Variants in PCDH15 observed in about 807,000 individuals in gnomAD.
PCDH15 encodes protocadherin related 15.
A neutral mutation model predicts 178.5 loss-of-function variants in PCDH15; 129 were observed. The ratio of observed to expected loss-of-function variants is 0.72; its 90% confidence interval spans 0.63 to 0.84. The LOEUF is 0.84. Ranked by LOEUF, PCDH15 falls within the 40% of genes least tolerant of loss-of-function variation. PCDH15 has a pLI of 0.00. For synonymous variants in PCDH15, 800 were observed against 732.0 expected, an observed-to-expected ratio of 1.09 and a Z score of -1.50; for missense variants, 2,230 against 2,099.9, an observed-to-expected ratio of 1.06 and a Z score of -1.21.
chr10:55,571,048 G>A (rs924138697), intron 2 of PCDH15, among the ~76,000 whole-genome samples: 3 of 152,012 alleles, frequency 2.0e-5, no homozygotes, highest in African/African-American at 7.2e-5. Context: ...CCCCAGGTCC[G>A]TTGAAGGTGG....
At chr10:55,163,403 C>T (rs1564852380) in intron 2 of PCDH15, among the ~76,000 whole-genome samples, 2 of 152,150 alleles carry the variant, frequency 1.3e-5, no homozygotes, top group African/African-American at 2.4e-5. Flanking sequence ...TAAAGACCCA[C>T]AGCCTCAGAT....
chr10:54,132,825 T>C (rs772033026), intron 15 of PCDH15, 50 bp downstream of exon 15: 1 of 1,563,382 alleles, frequency 6.4e-7, no homozygotes, highest in Non-Finnish European at 8.7e-7. Flanking sequence ...GCCAAGCTTG[T>C]CACTTTAGAA....
intron 27 of PCDH15, among the ~76,000 whole-genome samples, chr10:53,863,037 T>C (rs1013982377): frequency 1.3e-5 from 2 of 152,152 alleles, no homozygotes; most frequent in African/African-American, 2.4e-5. Flanking sequence ...AGAAATGTGA[T>C]GAAGAAGAGA....
At chr10:55,493,807 C>G (rs1311302351) in intron 2 of PCDH15, among the ~76,000 whole-genome samples, 1 of 151,776 alleles carries the variant, frequency 6.6e-6, no homozygotes, top group Non-Finnish European at 1.5e-5. Flanking sequence ...TCTGAGCAGT[C>G]ACTCAAATCC....
At chr10:55,582,302 T>C (rs893335464) in intron 2 of PCDH15, among the ~76,000 whole-genome samples, 3 of 152,124 alleles carry the variant, frequency 2.0e-5, no homozygotes, top group Admixed American at 6.6e-5. Context: ...ATCCTAAAAG[T>C]GCTGAGAAAA....
rs2076457828 is a variant in PCDH15, at chr10:53,823,537, G to A, written c.4368-3307C>T. On this transcript the variant is annotated intron_variant, in intron 32 of 37. Transcript: ENST00000644397. ...TCCCTGCTCTTAGAAAGGCAGGGCA[G>A]AAAAATCTTAGAGTTGTGAGAAGAA... is the stretch of plus-strand genomic sequence containing the variant. 84 of 746,074 alleles carry A rather than the reference G, an allele frequency of 1.1e-4. 1 individual carries two copies. In the South Asian group the frequency reaches 1.2e-3, roughly 10 times the overall value. 46.2% of individuals were successfully genotyped at this position (746,074 alleles called of 1,614,324 possible). A position where few individuals can be genotyped will look rare whatever the true frequency, so the allele number is the denominator to read the frequency against.
intron 18 of PCDH15, among the ~76,000 whole-genome samples, chr10:54,026,387 G>A (rs2093094152): frequency 6.6e-6 from 1 of 152,070 alleles, no homozygotes; most frequent in African/African-American, 2.4e-5. Context: ...AGTTTTTAGA[G>A]AAAATATCCA....
chr10:55,020,037 C>A (rs1840283431), intron 2 of PCDH15, among the ~76,000 whole-genome samples: 1 of 151,178 alleles, frequency 6.6e-6, no homozygotes, highest in Non-Finnish European at 1.5e-5. Context: ...GTAAGTGATA[C>A]TGAGTGTCTT....
At chr10:54,602,775 C>T (rs753674263) in intron 2 of PCDH15, among the ~76,000 whole-genome samples, 55 of 152,018 alleles carry the variant, frequency 3.6e-4, no homozygotes, top group Non-Finnish European at 6.5e-4. Flanking sequence ...CATTGAATGA[C>T]TTATGCATGT....
intron 1 of PCDH15, among the ~76,000 whole-genome samples, chr10:54,760,426 C>A (rs1434366218): frequency 6.6e-6 from 1 of 152,144 alleles, no homozygotes; most frequent in African/African-American, 2.4e-5. Flanking sequence ...CTCCCACACA[C>A]ACCACCCTGT....
chr10:54,438,864 C>T (rs545647273), intron 3 of PCDH15, among the ~76,000 whole-genome samples: 3 of 152,046 alleles, frequency 2.0e-5, no homozygotes, highest in Non-Finnish European at 4.4e-5. Context: ...TGAAAGCACT[C>T]TCACTTAGGC....
intron 2 of PCDH15, among the ~76,000 whole-genome samples, chr10:55,549,178 T>C (rs1047870911): frequency 2.5e-4 from 38 of 151,656 alleles, no homozygotes; most frequent in African/African-American, 8.2e-4. Flanking sequence ...GTTTGTTTTT[T>C]CCCCCCCAGC....
intron 18 of PCDH15, among the ~76,000 whole-genome samples, chr10:54,028,193 A>T (rs1171945167): frequency 6.7e-6 from 1 of 149,414 alleles, no homozygotes; most frequent in East Asian, 2.0e-4. Context: ...AAAAATGCTC[A>T]TCATCACTGG....
At chr10:53,926,082 T>G (rs991617244) in intron 25 of PCDH15, among the ~76,000 whole-genome samples, 1 of 152,212 alleles carries the variant, frequency 6.6e-6, no homozygotes, top group South Asian at 2.1e-4. Flanking sequence ...TCCTTTCTCT[T>G]TATAACCAGT....
intron 2 of PCDH15, among the ~76,000 whole-genome samples, chr10:55,001,703 G>T (rs34783868): frequency 6.6e-6 from 1 of 152,108 alleles, no homozygotes; most frequent in Admixed American, 6.5e-5. Flanking sequence ...CTTGGAAGGT[G>T]TGGGATCCAG....
chr10:54,247,257 T>C (rs1218020762), intron 8 of PCDH15, among the ~76,000 whole-genome samples: 1 of 151,952 alleles, frequency 6.6e-6, no homozygotes, highest in East Asian at 1.9e-4. Context: ...ATAGATAAAA[T>C]ATTGCACTCA....
intron 23 of PCDH15, among the ~76,000 whole-genome samples, chr10:53,942,980 G>T (rs894863414): frequency 2.0e-5 from 3 of 152,082 alleles, no homozygotes; most frequent in Non-Finnish European, 4.4e-5. Flanking sequence ...TTTAATACAA[G>T]AAAATATGTC....
chr10:53,995,600 G>A (rs766381941), intron 21 of PCDH15, 49 bp downstream of exon 21: 116 of 1,613,156 alleles, frequency 7.2e-5, no homozygotes, highest in Non-Finnish European at 5.3e-5. Flanking sequence ...TGAGTGTTAA[G>A]GATTTTTCTC....
At chr10:54,138,888 T>C (rs2043124934) in intron 14 of PCDH15, among the ~76,000 whole-genome samples, 1 of 152,214 alleles carries the variant, frequency 6.6e-6, no homozygotes, top group African/African-American at 2.4e-5. Flanking sequence ...ATGGTTTATG[T>C]ATGTTCATGT....
Sources: gnomAD v4.1 joint callset for allele counts (sites outside exome capture counted in the v4.1 genomes callset) on GRCh38, gnomAD v4.1.1 for gene constraint, MANE v1.5 for transcripts, NCBI Gene and HGNC (gene_info 2026-07-23, HGNC 2026-07-21) for gene names.